The following IL12RB2 variants were observed in gnomAD, a reference collection of about 807,000 sequenced individuals.
The protein encoded by IL12RB2 is interleukin-12 receptor subunit beta-2.
IL12RB2 carries 82 observed loss-of-function variants against 89.4 expected under a neutral mutation model. That is an observed-to-expected ratio of 0.92 (90% confidence interval 0.77 to 1.10). The LOEUF is 1.10. IL12RB2 is among the 50% of genes least tolerant of loss of function. The pLI, the probability that IL12RB2 is intolerant of heterozygous loss-of-function variation, is 0.00. For missense variants in IL12RB2, 963 were observed against 1,031.9 expected (o/e 0.93, Z 0.92); for synonymous variants, 368 against 370.1 (o/e 0.99, Z 0.07).
At chr1:67,383,220 A>G (rs12039044) in intron 14 of IL12RB2, among the ~76,000 whole-genome samples, 99,654 of 151,650 alleles carry the variant, frequency 0.66, 33,241 homozygotes, top group South Asian at 0.73. Context: ...GAAAACCATC[A>G]ATTCTTGTGA....
Position 67,351,099 on chromosome 1 carries a change from A to C in IL12RB2, c.1258+10A>C. 6.2e-7 allele frequency: 1 copy of C among 1,612,082 alleles called. No individual in the cohort carries two copies. On this transcript the variant is annotated intron_variant, in intron 10 of 16. Transcript: ENST00000674203. ...AACCTGTGTGAGGCAGGTAAGTTCT[A>C]ATTTTTCTTTAACATTGCCTGTGGA...
Position 67,395,805 on chromosome 1 carries a change from G to A in IL12RB2, c.2305G>A (p.Val769Met). 1.9e-6 allele frequency: 3 copies of A among 1,613,548 alleles called. No homozygotes were observed. Among genetic ancestry groups the A allele is most frequent in the South Asian group, 1.1e-5 (1 of 91,076 alleles). Residue 769 changes from valine to methionine, a missense_variant, in exon 17 of 17, where the codon GTG (valine) becomes ATG (methionine). Coordinates refer to ENST00000674203, the MANE Select transcript of IL12RB2 (RefSeq NM_001374259.2). The stretch of plus-strand genomic sequence containing the variant: ...CAGACAACTGGTGGATCTGTACAAG[G>A]TGCTGGAGAGCAGGGGCTCCGACCC... ...ESRQLVDLYKVLESRGSDPKP... is the reference protein window; with the variant it reads ...ESRQLVDLYKMLESRGSDPKP...
At chr1:67,351,670 G>A (rs1440766788) in intron 10 of IL12RB2, among the ~76,000 whole-genome samples, 1 of 152,038 alleles carries the variant, frequency 6.6e-6, no homozygotes, top group Non-Finnish European at 1.5e-5. Context: ...CAATAATATT[G>A]AAATTCTGAC....
At chr1:67,366,452 CAAAAAAAAAAA>C (rs11329710) in intron 10 of IL12RB2, among the ~76,000 whole-genome samples, 7 of 53,392 alleles carry the variant, frequency 1.3e-4, no homozygotes, top group South Asian at 7.1e-4. Flanking sequence ...GACTCCATCT[CAAAAAAAAAAA>C]AAAAAAAAAA....
intron 6 of IL12RB2, among the ~76,000 whole-genome samples, 173 bp from the exon 7 acceptor site, chr1:67,329,414 A>T (rs981902885): frequency 2.0e-5 from 3 of 152,226 alleles, no homozygotes; most frequent in Admixed American, 6.5e-5. Context: ...TCCAGCTTTT[A>T]AAAAAGTTCT....
chr1:67,378,192 G>A (rs1304361702), intron 13 of IL12RB2, among the ~76,000 whole-genome samples: 2 of 152,040 alleles, frequency 1.3e-5, no homozygotes, highest in Non-Finnish European at 1.5e-5. Context: ...GTTGACACAG[G>A]CTACTTCTGC....
intron 9 of IL12RB2, among the ~76,000 whole-genome samples, chr1:67,344,794 C>T (rs1046640117): frequency 1.3e-5 from 2 of 152,150 alleles, no homozygotes; most frequent in African/African-American, 4.8e-5. Flanking sequence ...TCGGACTAGC[C>T]ATGTTTCAAG....
intron 16 of IL12RB2, among the ~76,000 whole-genome samples, chr1:67,394,701 C>A (rs928971473): frequency 3.3e-5 from 5 of 152,024 alleles, no homozygotes; most frequent in Non-Finnish European, 7.4e-5. Context: ...GTGATGTGAC[C>A]GCCTCCTATT....
intron 2 of IL12RB2, among the ~76,000 whole-genome samples, chr1:67,318,108 C>G (rs1031824604): frequency 2.6e-5 from 4 of 152,124 alleles, no homozygotes; most frequent in Non-Finnish European, 5.9e-5. Flanking sequence ...GAAGAGGATT[C>G]TAGCAGAGGA....
At chr1:67,360,606 G>A (rs2100920277) in intron 10 of IL12RB2, among the ~76,000 whole-genome samples, 2 of 151,976 alleles carry the variant, frequency 1.3e-5, no homozygotes, top group South Asian at 4.2e-4. Flanking sequence ...GACCAGCCTG[G>A]CCAACATGGC....
chr1:67,316,421 A>AGTGTGTGTGTGTGTGT (rs71062410), intron 2 of IL12RB2, among the ~76,000 whole-genome samples: 1,486 of 146,222 alleles, frequency 0.01, 28 homozygotes, highest in South Asian at 0.048. Flanking sequence ...TCCCCAGAGT[A>AGTGTGTGTGTGTGTGT]GTGTGTGTGT....
intron 4 of IL12RB2, among the ~76,000 whole-genome samples, chr1:67,322,669 A>G (rs5022165): frequency 0.73 from 103,276 of 141,646 alleles, 38,099 homozygotes; most frequent in Non-Finnish European, 0.84. Context: ...ATCTCATGAC[A>G]AGAGAAAGAA....
At chr1:67,344,407 C>T (rs1659992499) in intron 9 of IL12RB2, among the ~76,000 whole-genome samples, 1 of 152,170 alleles carries the variant, frequency 6.6e-6, no homozygotes, top group Non-Finnish European at 1.5e-5. Flanking sequence ...ATTCTCATGC[C>T]TCAGCCTCCC....
intron 13 of IL12RB2, among the ~76,000 whole-genome samples, chr1:67,374,475 TC>T (rs1425388693): frequency 5.3e-5 from 8 of 151,598 alleles, no homozygotes; most frequent in Admixed American, 2.0e-4. Flanking sequence ...GTCTGTTTAT[TC>T]TTTTTTTTTT....
intron 8 of IL12RB2, among the ~76,000 whole-genome samples, chr1:67,334,921 G>A (rs1485276956): frequency 6.6e-6 from 1 of 152,180 alleles, no homozygotes; most frequent in Non-Finnish European, 1.5e-5. Flanking sequence ...CATCATATTT[G>A]TGTCTTTTTG....
At chr1:67,383,528 C>T (rs1664825483) in intron 14 of IL12RB2, among the ~76,000 whole-genome samples, 1 of 152,152 alleles carries the variant, frequency 6.6e-6, no homozygotes, top group Non-Finnish European at 1.5e-5. Flanking sequence ...AAGTCTTTTC[C>T]ACCTATGAGC....
At chr1:67,327,018 T>C (rs1458934327) in intron 5 of IL12RB2, among the ~76,000 whole-genome samples, 169 bp downstream of exon 5, 2 of 151,816 alleles carry the variant, frequency 1.3e-5, no homozygotes, top group East Asian at 3.9e-4. Context: ...TAGAGTGCAG[T>C]GGCGCAATCT....
chr1:67,357,823 T>A (rs567022797), intron 10 of IL12RB2, among the ~76,000 whole-genome samples: 11 of 152,310 alleles, frequency 7.2e-5, no homozygotes, highest in African/African-American at 2.4e-4. Flanking sequence ...GGGGTGAAAT[T>A]CTTCCATAAG....
At chr1:67,323,334 G>A (rs536784818) in intron 4 of IL12RB2, among the ~76,000 whole-genome samples, 2 of 152,300 alleles carry the variant, frequency 1.3e-5, no homozygotes, top group African/African-American at 2.4e-5. Context: ...GACAGCCTGC[G>A]GTATAGTAGA....
Sources: allele counts gnomAD v4.1 joint callset (sites outside exome capture counted in the v4.1 genomes callset), GRCh38; gene constraint gnomAD v4.1.1; transcripts MANE v1.5; gene names NCBI Gene and HGNC (gene_info 2026-07-23, HGNC 2026-07-21).